Variants in MORC1 observed in about 807,000 individuals in gnomAD.
MORC1 encodes the protein MORC family CW-type zinc finger 1.
In MORC1, 59 loss-of-function variants were observed where a neutral mutation model predicts 134.9. The ratio of observed to expected loss-of-function variants is 0.44; its 90% CI spans 0.35 to 0.54. The LOEUF (loss-of-function observed/expected upper bound fraction) is 0.54. Among genes scored for constraint, MORC1 ranks in the 20% least tolerant of loss-of-function variants. The probability of loss-of-function intolerance (pLI) is 0.00; values close to 1 mark genes in which losing one functional copy is unlikely to be tolerated. For synonymous variants in MORC1, 395 were observed against 391.7 expected (o/e 1.01, Z -0.10); for missense variants, 947 against 1,134.5 (o/e 0.83, Z 2.37).
chr3:109,113,076 T>C (rs1157016838), intron 2 of MORC1, among the ~76,000 whole-genome samples: 1 of 152,232 alleles, frequency 6.6e-6, no homozygotes. Flanking sequence ...ATGTGTTCTT[T>C]CAGACTTGCA....
chr3:109,055,829 A>G (rs1355914672), intron 13 of MORC1, among the ~76,000 whole-genome samples: 1 of 152,202 alleles, frequency 6.6e-6, no homozygotes, highest in Admixed American at 6.5e-5. Flanking sequence ...AGATCATTTC[A>G]GATGGTGATA....
Position 108,972,304 on chromosome 3 carries a change from C to T in MORC1, c.2478-902G>A, listed in dbSNP as rs570807963. Among the ~76,000 whole-genome samples, 20 of 152,198 alleles carry T rather than the reference C, an allele frequency of 1.3e-4. No individual in the cohort carries two copies. The South Asian group carries it at 3.9e-3, about 30-fold the overall frequency. ...AAAGTGTATAGTATTCTAATGCTGA[C>T]GTATTCCAAGAGCCTCATGTATATT... On this transcript the variant is annotated intron_variant, in intron 24 of 27. Coordinates refer to ENST00000232603, the MANE Select transcript of MORC1 (RefSeq NM_014429.4).
chr3:108,968,062 C>T (rs1320378903), intron 26 of MORC1, among the ~76,000 whole-genome samples: 1 of 152,158 alleles, frequency 6.6e-6, no homozygotes, highest in African/African-American at 2.4e-5. Flanking sequence ...CAGTGCCTGG[C>T]AGCTCTAGTG....
chr3:109,063,113 A>G, intron 10 of MORC1, 39 bp downstream of exon 10: 2 of 1,423,118 alleles, frequency 1.4e-6, no homozygotes, highest in Admixed American at 1.7e-5. Flanking sequence ...TTGCTGAATG[A>G]CTGAACAACA....
chr3:108,982,024 A>T (rs1193571833), intron 23 of MORC1, among the ~76,000 whole-genome samples: 5 of 152,244 alleles, frequency 3.3e-5, no homozygotes, highest in African/African-American at 1.2e-4. Flanking sequence ...AAGGGCTAAT[A>T]TCCAGAATCT....
chr3:109,092,227 A>G (rs1950743421), intron 8 of MORC1, among the ~76,000 whole-genome samples: 1 of 151,904 alleles, frequency 6.6e-6, no homozygotes, highest in Admixed American at 6.6e-5. Flanking sequence ...TAGGCTGAAT[A>G]TTTTTTTCCA....
At chr3:109,040,466 A>AAG (rs1949504272) in intron 14 of MORC1, among the ~76,000 whole-genome samples, 1 of 149,660 alleles carries the variant, frequency 6.7e-6, no homozygotes, top group East Asian at 2.0e-4. Flanking sequence ...GAAAGAAAGA[A>AAG]AGAAAGAAAG....
At chr3:109,067,337 TAA>T (rs1950220230) in intron 9 of MORC1, among the ~76,000 whole-genome samples, 1 of 152,190 alleles carries the variant, frequency 6.6e-6, no homozygotes, top group African/African-American at 2.4e-5. Flanking sequence ...ATAAAATGTT[TAA>T]GAGACCTGAG....
At chr3:109,004,795 A>C (rs774657558) in intron 20 of MORC1, 22 bp downstream of exon 20, 1 of 1,604,862 alleles carries the variant, frequency 6.2e-7, no homozygotes, top group Non-Finnish European at 8.5e-7. Context: ...CCTTAAATAC[A>C]AATTTAAAAG....
chr3:108,958,873 C>T lies in MORC1; in HGVS notation c.*92G>A. The T allele has an allele frequency of 1.2e-6, 1 of 827,984 alleles. No individual in the cohort carries two copies. The highest frequency in any genetic ancestry group is 1.8e-6 in the Non-Finnish European group (1 of 561,294). 51.3% of individuals were successfully genotyped at this position (827,984 alleles called of 1,614,324 possible). On this transcript the variant is annotated 3_prime_UTR_variant, in exon 28 of 28. Transcript: ENST00000232603. ...ATTTCTTATTGTTAAACAGAATAGA[C>T]TTTACAGTAACAACAACAAAAAAGA...
chr3:109,020,943 C>A (rs1446767760), intron 17 of MORC1, among the ~76,000 whole-genome samples: 1 of 152,008 alleles, frequency 6.6e-6, no homozygotes, highest in Non-Finnish European at 1.5e-5. Flanking sequence ...AACACAATTC[C>A]CCAAACTGAA....
At chr3:108,991,383 C>G (rs118006900) in intron 21 of MORC1, among the ~76,000 whole-genome samples, 1 of 152,108 alleles carries the variant, frequency 6.6e-6, no homozygotes, top group Non-Finnish European at 1.5e-5. Context: ...AGCAAGATTG[C>G]CTGATGGGTT....
At chr3:108,971,455 C>T (rs2107395715) in intron 24 of MORC1, 53 bp from the exon 25 acceptor site, 1 of 1,489,422 alleles carries the variant, frequency 6.7e-7, no homozygotes, top group Non-Finnish European at 9.3e-7. Context: ...ACAGAGGTAG[C>T]ACTCAACTGT....
rs766142265 is a variant in MORC1, at chr3:109,054,828, T to C, written c.1230A>G (p.Pro410=). 2.1e-5 allele frequency: 34 copies of C among 1,608,236 alleles called. No individual in the cohort carries two copies. The highest frequency in any genetic ancestry group is 2.8e-5 in the Non-Finnish European group (33 of 1,178,678). The part of the protein sequence containing the change: ...IVNIPLEVME[P]SHNKQEFLNV... ...TGAGAAATTCCTGTTTATTATGGGATGGTTCCATGACCTCCAAGGGTATAT... is the reference window on the plus strand; with the variant it reads ...TGAGAAATTCCTGTTTATTATGGGACGGTTCCATGACCTCCAAGGGTATAT... The change falls in exon 14 of 28, where the codon CCA becomes CCG. Residue 410 remains proline (P), a synonymous_variant. Coordinates refer to ENST00000232603, the MANE Select transcript of MORC1 (RefSeq NM_014429.4).
chr3:109,029,830 T>C (rs371688466), intron 16 of MORC1, among the ~76,000 whole-genome samples: 12 of 152,148 alleles, frequency 7.9e-5, no homozygotes, highest in African/African-American at 2.4e-4. Context: ...AAGGATGCCT[T>C]CCAACAGACA....
intron 13 of MORC1, 122 bp downstream of exon 13, chr3:109,057,221 G>A: frequency 2.0e-6 from 2 of 989,682 alleles, no homozygotes; most frequent in Non-Finnish European, 2.8e-6. Flanking sequence ...CAACAGGAAG[G>A]GTGAACAGAG....
At chr3:108,961,169 C>T (rs72935324) in intron 27 of MORC1, among the ~76,000 whole-genome samples, 1,724 of 152,238 alleles carry the variant, frequency 0.011, 35 homozygotes, top group African/African-American at 0.038. Flanking sequence ...ACAATCCTAG[C>T]ACTAAGTGTC....
intron 24 of MORC1, among the ~76,000 whole-genome samples, chr3:108,973,018 G>A (rs1947437123): frequency 6.6e-6 from 1 of 152,110 alleles, no homozygotes; most frequent in South Asian, 2.1e-4. Context: ...AAAATCTACA[G>A]CAAACATCAT....
chr3:109,084,167 CAA>C (rs2107739773), intron 8 of MORC1, among the ~76,000 whole-genome samples: 1 of 152,140 alleles, frequency 6.6e-6, no homozygotes, highest in South Asian at 2.1e-4. Flanking sequence ...AGCAATTAGC[CAA>C]GAGAAAGAAA....
Sources: allele counts gnomAD v4.1 joint callset (sites outside exome capture counted in the v4.1 genomes callset), GRCh38; gene constraint gnomAD v4.1.1; transcripts MANE v1.5; gene names NCBI Gene and HGNC (gene_info 2026-07-23, HGNC 2026-07-21).